ARB2A: variants seen among roughly 807,000 people sequenced by gnomAD.
ARB2A encodes ARB2 cotranscriptional regulator A, also known as cotranscriptional regulator ARB2A.
At chr5:93,705,043 T>C in the ARB2A span, among the ~76,000 whole-genome samples, 1 of 152,296 alleles carries the variant, frequency 6.6e-6, no homozygotes, top group Admixed American at 6.5e-5. Flanking sequence ...TAAAGACATC[T>C]GCTTTGGGTA....
At chr5:94,023,991 C>A in the ARB2A span, among the ~76,000 whole-genome samples, 1 of 152,178 alleles carries the variant, frequency 6.6e-6, no homozygotes, top group African/African-American at 2.4e-5. Flanking sequence ...TAGGCATTAA[C>A]TGGTGAGCTT....
the ARB2A span, among the ~76,000 whole-genome samples, chr5:94,004,164 T>C: frequency 6.6e-6 from 1 of 152,028 alleles, no homozygotes; most frequent in Non-Finnish European, 1.5e-5. Flanking sequence ...TCAGCCTAAG[T>C]CTCTCACCAT....
chr5:93,797,676 A>C, the ARB2A span, among the ~76,000 whole-genome samples: 1 of 152,196 alleles, frequency 6.6e-6, no homozygotes, highest in Non-Finnish European at 1.5e-5. Context: ...ACAGACTGAC[A>C]GTACTACAGA....
the ARB2A span, among the ~76,000 whole-genome samples, chr5:94,095,595 T>C: frequency 6.6e-6 from 1 of 151,808 alleles, no homozygotes; most frequent in Non-Finnish European, 1.5e-5. Flanking sequence ...CTATCTAGAA[T>C]GTCTTTCTGC....
chr5:93,797,070 C>T, the ARB2A span, among the ~76,000 whole-genome samples: 2 of 152,124 alleles, frequency 1.3e-5, no homozygotes, highest in Admixed American at 6.5e-5. Flanking sequence ...GTCCACTATA[C>T]AACAAGTTTC....
At chr5:93,820,806 T>G in the ARB2A span, among the ~76,000 whole-genome samples, 1 of 152,170 alleles carries the variant, frequency 6.6e-6, no homozygotes, top group Non-Finnish European at 1.5e-5. Flanking sequence ...TCAATAGGGT[T>G]GTCTTATCAA....
At chr5:93,813,845 T>G in the ARB2A span, among the ~76,000 whole-genome samples, 1 of 152,174 alleles carries the variant, frequency 6.6e-6, no homozygotes, top group East Asian at 1.9e-4. Context: ...ATAAGCAAAC[T>G]AATTTCTAGA....
chr5:94,012,134 G>A, the ARB2A span, among the ~76,000 whole-genome samples: 3 of 152,176 alleles, frequency 2.0e-5, no homozygotes, highest in South Asian at 2.1e-4. Context: ...CAGGCGCAGT[G>A]GCTCACGCCT....
chr5:93,637,354 GTTTTTTTT>G, the ARB2A span, among the ~76,000 whole-genome samples: 2 of 116,110 alleles, frequency 1.7e-5, no homozygotes, highest in Non-Finnish European at 3.4e-5. Flanking sequence ...GGGTTGTTTA[GTTTTTTTT>G]TTTTTTTTTT....
At chr5:93,686,939 G>A in the ARB2A span, among the ~76,000 whole-genome samples, 1 of 151,844 alleles carries the variant, frequency 6.6e-6, no homozygotes, top group African/African-American at 2.4e-5. Context: ...CAATAAGAGT[G>A]GAAACTAAAA....
At chr5:94,044,510 A>G in the ARB2A span, among the ~76,000 whole-genome samples, 8 of 152,212 alleles carry the variant, frequency 5.3e-5, no homozygotes, top group Admixed American at 5.2e-4. Context: ...GAAGTTATAG[A>G]AGATAGATCT....
the ARB2A span, among the ~76,000 whole-genome samples, chr5:93,849,021 A>G: frequency 6.6e-6 from 1 of 152,344 alleles, no homozygotes; most frequent in African/African-American, 2.4e-5. Flanking sequence ...ATTAATTGTC[A>G]TAAGTTAAAA....
At chr5:93,795,673 T>A in the ARB2A span, among the ~76,000 whole-genome samples, 1 of 152,082 alleles carries the variant, frequency 6.6e-6, no homozygotes, top group Admixed American at 6.6e-5. Flanking sequence ...GTACTCAAGA[T>A]CACATCATGA....
the ARB2A span, among the ~76,000 whole-genome samples, chr5:94,052,321 T>G: frequency 6.6e-6 from 1 of 152,212 alleles, no homozygotes; most frequent in Non-Finnish European, 1.5e-5. Flanking sequence ...AAATAACTTT[T>G]ATTAAAAAGT....
the ARB2A span, chr5:93,804,872 A>G: frequency 1.2e-6 from 1 of 836,558 alleles, no homozygotes; most frequent in South Asian, 5.5e-5. Context: ...CATATACTGC[A>G]AGTTAAAAAT....
At chr5:94,072,076 G>T in the ARB2A span, among the ~76,000 whole-genome samples, 1 of 152,122 alleles carries the variant, frequency 6.6e-6, no homozygotes, top group South Asian at 2.1e-4. Flanking sequence ...AACTTGGATG[G>T]ATCTCAAAGG....
chr5:93,958,167 G>C, the ARB2A span, among the ~76,000 whole-genome samples: 1 of 151,974 alleles, frequency 6.6e-6, no homozygotes, highest in Admixed American at 6.6e-5. Flanking sequence ...TTTCTAAAAA[G>C]TTTGAATGCA....
the ARB2A span, among the ~76,000 whole-genome samples, chr5:93,938,974 TAAG>T: frequency 3.3e-5 from 5 of 152,204 alleles, no homozygotes; most frequent in African/African-American, 7.2e-5. Context: ...AAATGCAAAC[TAAG>T]AAGTACATTA....
the ARB2A span, among the ~76,000 whole-genome samples, chr5:93,920,819 T>C: frequency 6.6e-5 from 10 of 152,166 alleles, no homozygotes; most frequent in African/African-American, 1.9e-4. Flanking sequence ...TCCTTTGCTA[T>C]TGTGTGCTCA....
Sources: gnomAD v4.1 joint callset for allele counts (sites outside exome capture counted in the v4.1 genomes callset) on GRCh38, gnomAD v4.1.1 for gene constraint, MANE v1.5 for transcripts, NCBI Gene and HGNC (gene_info 2026-07-23, HGNC 2026-07-21) for gene names.